Variants in KIAA1210 observed in about 807,000 individuals in gnomAD.
KIAA1210 encodes acrosomal protein KIAA1210.
KIAA1210 carries 48 observed loss-of-function variants against 78.9 expected under a neutral mutation model. The ratio of observed to expected loss-of-function variants is 0.61; its 90% CI spans 0.48 to 0.77. The LOEUF (loss-of-function observed/expected upper bound fraction) is 0.77. KIAA1210 is among the 30% of genes least tolerant of loss of function. KIAA1210 has a pLI of 0.00. For synonymous variants in KIAA1210, 406 were observed against 404.5 expected, an observed-to-expected ratio of 1.00 and a Z score of -0.04; for missense variants, 1,108 against 1,100.0, an observed-to-expected ratio of 1.01 and a Z score of -0.10.
intron 2 of KIAA1210, among the ~76,000 whole-genome samples, chrX:119,144,933 A>G (rs2147201329): frequency 8.9e-6 from 1 of 112,180 alleles, no homozygotes; most frequent in African/African-American, 3.2e-5. Context: ...ACTATGCTCC[A>G]CTAGACCATA....
At chrX:119,120,319 T>C (rs1441184695) in intron 2 of KIAA1210, among the ~76,000 whole-genome samples, 1 of 112,382 alleles carries the variant, frequency 8.9e-6, no homozygotes, top group Non-Finnish European at 1.9e-5. Context: ...GTTGCCCCTC[T>C]TGCTTCAAAA....
At chrX:119,100,514 G>A (rs753131984) in intron 6 of KIAA1210, among the ~76,000 whole-genome samples, 80 of 110,007 alleles carry the variant, frequency 7.3e-4, no homozygotes, top group Non-Finnish European at 1.3e-3. Context: ...CTCCTTCCAC[G>A]CACTCTGACA....
intron 6 of KIAA1210, among the ~76,000 whole-genome samples, chrX:119,100,509 T>A (rs1927706007): frequency 1.8e-5 from 2 of 110,560 alleles, no homozygotes; most frequent in Non-Finnish European, 3.8e-5. Flanking sequence ...TACTTCTCCT[T>A]CCACGCACTC....
chrX:119,132,936 T>G (rs772322826), intron 2 of KIAA1210, among the ~76,000 whole-genome samples: 1 of 111,870 alleles, frequency 8.9e-6, no homozygotes, highest in Non-Finnish European at 1.9e-5. Flanking sequence ...GCACCCAGCC[T>G]TTCAAACTAT....
chrX:119,112,995 C>T (rs770302744), intron 3 of KIAA1210, among the ~76,000 whole-genome samples: 1 of 111,919 alleles, frequency 8.9e-6, no homozygotes, highest in African/African-American at 3.2e-5. Context: ...ATGCAATGGA[C>T]AGTCAGTAGC....
chrX:119,084,546 C>T (rs933195757), intron 10 of KIAA1210, among the ~76,000 whole-genome samples: 1 of 110,543 alleles, frequency 9.0e-6, no homozygotes, highest in Non-Finnish European at 1.9e-5. Context: ...CCAGTGATTA[C>T]CTTTAGGTAT....
chrX:119,141,911 G>A (rs1472618916), intron 2 of KIAA1210, among the ~76,000 whole-genome samples: 1 of 112,802 alleles, frequency 8.9e-6, no homozygotes, highest in African/African-American at 3.2e-5. Flanking sequence ...AGTCATCTTT[G>A]TGTAGTGCTC....
At chrX:119,101,859 C>T (rs181805366) in intron 6 of KIAA1210, among the ~76,000 whole-genome samples, 10 of 112,170 alleles carry the variant, frequency 8.9e-5, no homozygotes, top group East Asian at 2.8e-4. Context: ...CACTTATTGG[C>T]TGTCTGACCT....
chrX:119,141,110 G>A (rs1010998699), intron 2 of KIAA1210, among the ~76,000 whole-genome samples: 13 of 111,625 alleles, frequency 1.2e-4, no homozygotes, highest in Non-Finnish European at 2.3e-4. Flanking sequence ...AGACGCGCCC[G>A]TGCTCCCAGG....
At chrX:119,146,628 G>A (rs1041469683) in intron 2 of KIAA1210, among the ~76,000 whole-genome samples, 9 of 111,731 alleles carry the variant, frequency 8.1e-5, no homozygotes, top group South Asian at 3.8e-4. Flanking sequence ...TGGTAAATAC[G>A]GCAAATAATT....
intron 2 of KIAA1210, among the ~76,000 whole-genome samples, chrX:119,140,262 C>T (rs767270136): frequency 9.9e-5 from 11 of 111,632 alleles, no homozygotes; most frequent in African/African-American, 3.6e-4. Flanking sequence ...GGTGTGGTGG[C>T]TCACACCTGT....
chrX:119,112,922 G>A (rs1368575881), intron 3 of KIAA1210, among the ~76,000 whole-genome samples: 1 of 112,116 alleles, frequency 8.9e-6, no homozygotes, highest in Non-Finnish European at 1.9e-5. Flanking sequence ...ATTCACAATA[G>A]CCAAAAGGTG....
Position 119,086,970 on chromosome X carries a change from C to T in KIAA1210, c.3732G>A (p.Lys1244=), listed in dbSNP as rs1927160455. The change falls in exon 9 of 12, where the codon AAG becomes AAA. Residue 1244 remains lysine (K), a synonymous_variant. Transcript: ENST00000691062. The part of the protein sequence containing the change: ...KFSQGSKNPI[K]SIPAPATKPG... ...GTTTGGTAGCAGGGGCTGGAATGCT[C>T]TTTATGGGGTTTTTGGAACCTTGGC... 2 of 1,209,579 alleles carry T rather than the reference C, an allele frequency of 1.7e-6. No individual in the cohort carries two copies. The highest frequency in any genetic ancestry group is 2.2e-5 in the Admixed American group (1 of 45,684).
At chrX:119,115,241 C>G (rs1928219832) in intron 3 of KIAA1210, among the ~76,000 whole-genome samples, 1 of 110,628 alleles carries the variant, frequency 9.0e-6, no homozygotes, top group African/African-American at 3.3e-5. Flanking sequence ...CCCCTTCTCT[C>G]TCTCTCTCTC....
chrX:119,126,945 A>C (rs1402069768), intron 1 of KIAA1210, among the ~76,000 whole-genome samples: 1 of 111,342 alleles, frequency 9.0e-6, no homozygotes, highest in East Asian at 2.8e-4. Context: ...GTGGTGGTGC[A>C]TGCCTGTAGT....
chrX:119,082,691 C>A (rs745963552), intron 11 of KIAA1210, among the ~76,000 whole-genome samples: 1 of 112,134 alleles, frequency 8.9e-6, no homozygotes, highest in African/African-American at 3.2e-5. Flanking sequence ...TTGCTATGAA[C>A]TGGAAAGTGA....
intron 2 of KIAA1210, among the ~76,000 whole-genome samples, chrX:119,122,525 C>T (rs973242006): frequency 1.8e-5 from 2 of 112,384 alleles, no homozygotes; most frequent in Non-Finnish European, 3.8e-5. Context: ...AAAGGCATTT[C>T]GTTGCTACCA....
intron 3 of KIAA1210, among the ~76,000 whole-genome samples, chrX:119,114,333 C>T (rs1356531702): frequency 1.8e-5 from 2 of 112,069 alleles, no homozygotes; most frequent in Non-Finnish European, 3.8e-5. Context: ...TAAACTCCTA[C>T]TTACCTTTTC....
chrX:119,098,420 C>T (rs1927623758), intron 6 of KIAA1210, among the ~76,000 whole-genome samples: 1 of 111,153 alleles, frequency 9.0e-6, no homozygotes, highest in African/African-American at 3.3e-5. Context: ...GCTTGGCCAA[C>T]ATGATGAAAC....
Sources: gnomAD v4.1 joint callset for allele counts (sites outside exome capture counted in the v4.1 genomes callset) on GRCh38, gnomAD v4.1.1 for gene constraint, MANE v1.5 for transcripts, NCBI Gene and HGNC (gene_info 2026-07-23, HGNC 2026-07-21) for gene names.